The following HEMK2 variants were observed in gnomAD, a reference collection of about 807,000 sequenced individuals.
The protein encoded by HEMK2 is methyltransferase HEMK2.
At chr21:28,731,215 C>T in the HEMK2 span, among the ~76,000 whole-genome samples, 1 of 152,156 alleles carries the variant, frequency 6.6e-6, no homozygotes, top group Non-Finnish European at 1.5e-5. Flanking sequence ...CTAATTCTCA[C>T]AATACCCTGT....
At chr21:28,875,638 A>G in the HEMK2 span, 131,108 of 152,324 alleles carry the variant, frequency 0.86, 56,843 homozygotes, top group South Asian at 0.93. Flanking sequence ...ACAGGCTGGT[A>G]TAACATAATG....
At chr21:28,779,053 A>G in the HEMK2 span, among the ~76,000 whole-genome samples, 2,098 of 152,300 alleles carry the variant, frequency 0.014, 26 homozygotes, top group Middle Eastern at 0.024. Context: ...TAGCCTCCTT[A>G]ACTCCTTAAA....
At chr21:28,603,139 A>G in the HEMK2 span, among the ~76,000 whole-genome samples, 2 of 152,186 alleles carry the variant, frequency 1.3e-5, no homozygotes, top group Non-Finnish European at 2.9e-5. Context: ...CCCTTGCAGA[A>G]TCAGGCTGAC....
chr21:28,816,595 C>G, the HEMK2 span, among the ~76,000 whole-genome samples: 1 of 152,256 alleles, frequency 6.6e-6, no homozygotes, highest in South Asian at 2.1e-4. Flanking sequence ...ACAGTAGGAT[C>G]GCTTGAGCCC....
At chr21:28,843,768 G>T in the HEMK2 span, among the ~76,000 whole-genome samples, 1 of 152,062 alleles carries the variant, frequency 6.6e-6, no homozygotes, top group Non-Finnish European at 1.5e-5. Flanking sequence ...ATTCATGGTT[G>T]GGAAATGAGA....
the HEMK2 span, among the ~76,000 whole-genome samples, chr21:28,684,266 A>G: frequency 6.6e-6 from 1 of 152,248 alleles, no homozygotes; most frequent in African/African-American, 2.4e-5. Context: ...TTAATTCTTT[A>G]AAATCTGGAA....
the HEMK2 span, among the ~76,000 whole-genome samples, chr21:28,586,937 T>C: frequency 6.6e-6 from 1 of 152,130 alleles, no homozygotes; most frequent in Non-Finnish European, 1.5e-5. Flanking sequence ...TTCTAATACC[T>C]TGGGATTAGG....
At chr21:28,701,494 A>G in the HEMK2 span, among the ~76,000 whole-genome samples, 1 of 151,652 alleles carries the variant, frequency 6.6e-6, no homozygotes, top group African/African-American at 2.4e-5. Flanking sequence ...CCTATACACC[A>G]GCAACATATA....
chr21:28,729,254 G>A, the HEMK2 span, among the ~76,000 whole-genome samples: 56 of 152,202 alleles, frequency 3.7e-4, no homozygotes, highest in African/African-American at 1.2e-3. Flanking sequence ...TTCCTCCTAC[G>A]CTGGCTTTGC....
chr21:28,788,228 ACGTATATACG>A, the HEMK2 span, among the ~76,000 whole-genome samples: 2 of 144,394 alleles, frequency 1.4e-5, no homozygotes, highest in Non-Finnish European at 3.0e-5. Flanking sequence ...GTATATATAC[ACGTATATACG>A]TATATATGTA....
At chr21:28,660,988 C>T in the HEMK2 span, among the ~76,000 whole-genome samples, 1 of 152,008 alleles carries the variant, frequency 6.6e-6, no homozygotes, top group Admixed American at 6.6e-5. Flanking sequence ...GAAATAGGTC[C>T]ATTTCTTCTA....
At chr21:28,683,844 CACAG>C in the HEMK2 span, among the ~76,000 whole-genome samples, 1 of 152,164 alleles carries the variant, frequency 6.6e-6, no homozygotes, top group Non-Finnish European at 1.5e-5. Context: ...AGCAATTGCA[CACAG>C]ACAGCCCCTA....
chr21:28,586,139 C>T, the HEMK2 span, among the ~76,000 whole-genome samples: 8 of 152,068 alleles, frequency 5.3e-5, no homozygotes, highest in East Asian at 1.2e-3. Context: ...AGCATCTTTG[C>T]GATGTTTGAA....
At chr21:28,784,888 G>C in the HEMK2 span, among the ~76,000 whole-genome samples, 1 of 152,142 alleles carries the variant, frequency 6.6e-6, no homozygotes, top group African/African-American at 2.4e-5. Context: ...TTCACTCTTT[G>C]CAATAAATCT....
the HEMK2 span, among the ~76,000 whole-genome samples, chr21:28,819,350 A>G: frequency 2.0e-5 from 3 of 151,254 alleles, no homozygotes; most frequent in Non-Finnish European, 4.4e-5. Context: ...GTTTATACAT[A>G]TTTTTATATG....
the HEMK2 span, among the ~76,000 whole-genome samples, chr21:28,592,634 C>T: frequency 3.3e-5 from 5 of 152,326 alleles, no homozygotes; most frequent in South Asian, 8.3e-4. Flanking sequence ...CCTCTTATCC[C>T]TAGGGGACTC....
the HEMK2 span, among the ~76,000 whole-genome samples, chr21:28,824,390 T>C: frequency 6.6e-6 from 1 of 152,258 alleles, no homozygotes; most frequent in Non-Finnish European, 1.5e-5. Flanking sequence ...AGACTTCATG[T>C]TCTCTTTGAA....
chr21:28,645,379 C>T, the HEMK2 span, among the ~76,000 whole-genome samples: 1 of 152,044 alleles, frequency 6.6e-6, no homozygotes, highest in African/African-American at 2.4e-5. Context: ...AGCTTTTGTC[C>T]AAGATCCTGT....
the HEMK2 span, among the ~76,000 whole-genome samples, chr21:28,811,115 C>T: frequency 6.6e-6 from 1 of 152,058 alleles, no homozygotes; most frequent in Admixed American, 6.6e-5. Context: ...GGCACAATGG[C>T]TCATGCCTGT....
Sources: gnomAD v4.1 joint callset for allele counts (sites outside exome capture counted in the v4.1 genomes callset) on GRCh38, gnomAD v4.1.1 for gene constraint, MANE v1.5 for transcripts, NCBI Gene and HGNC (gene_info 2026-07-23, HGNC 2026-07-21) for gene names.